Variants in CRACD observed in about 807,000 individuals in gnomAD.
The protein encoded by CRACD is capping protein inhibiting regulator of actin dynamics.
CRACD carries 56 observed loss-of-function variants against 106.8 expected under a neutral mutation model. The ratio of observed to expected loss-of-function variants is 0.52; its 90% CI spans 0.42 to 0.66. The LOEUF (loss-of-function observed/expected upper bound fraction) is 0.66, where lower values mean the gene tolerates loss of function less well. CRACD is among the 30% of genes least tolerant of loss of function. The pLI is 0.00. For missense variants in CRACD, 1,730 were observed against 1,623.2 expected, an observed-to-expected ratio of 1.07 and a Z score of -1.13; for synonymous variants, 754 against 670.8, an observed-to-expected ratio of 1.12 and a Z score of -1.92.
chr4:56,192,151 G>A (rs1737399855), intron 2 of CRACD, among the ~76,000 whole-genome samples: 1 of 152,132 alleles, frequency 6.6e-6, no homozygotes, highest in African/African-American at 2.4e-5. Context: ...CAGCACTTTG[G>A]GAGGCCGAGG....
chr4:56,141,020 C>G (rs1422192452), intron 1 of CRACD, among the ~76,000 whole-genome samples: 1 of 152,114 alleles, frequency 6.6e-6, no homozygotes, highest in Non-Finnish European at 1.5e-5. Context: ...TATGGAGGCC[C>G]AGAATAACTT....
chr4:56,233,092 A>G (rs370236199), intron 2 of CRACD, among the ~76,000 whole-genome samples: 1 of 151,150 alleles, frequency 6.6e-6, no homozygotes, highest in South Asian at 2.1e-4. Flanking sequence ...CTACTTTGTG[A>G]AATGTTCATT....
At chr4:56,196,761 T>C (rs994719418) in intron 2 of CRACD, among the ~76,000 whole-genome samples, 1 of 152,188 alleles carries the variant, frequency 6.6e-6, no homozygotes, top group Non-Finnish European at 1.5e-5. Context: ...GAGAAGCAAT[T>C]ATGAAAATCA....
intron 1 of CRACD, among the ~76,000 whole-genome samples, chr4:56,138,931 T>C (rs1735098729): frequency 6.6e-6 from 1 of 152,230 alleles, no homozygotes; most frequent in South Asian, 2.1e-4. Context: ...AAGCTCTGAT[T>C]ATTAGAGCCT....
chr4:56,054,492 C>G (rs1390367047), intron 1 of CRACD, among the ~76,000 whole-genome samples: 1 of 152,124 alleles, frequency 6.6e-6, no homozygotes, highest in African/African-American at 2.4e-5. Context: ...CCTTTTTATC[C>G]TGATGTGAAA....
chr4:56,087,380 A>G (rs1301547606), intron 1 of CRACD, among the ~76,000 whole-genome samples: 1 of 152,152 alleles, frequency 6.6e-6, no homozygotes, highest in Non-Finnish European at 1.5e-5. Flanking sequence ...TTCCTAACTC[A>G]ATGACTTTGT....
intron 4 of CRACD, among the ~76,000 whole-genome samples, chr4:56,303,259 C>T (rs1369657456): frequency 1.3e-5 from 2 of 151,808 alleles, no homozygotes; most frequent in African/African-American, 2.4e-5. Flanking sequence ...GCAGGAGAAT[C>T]GCTTGAACCC....
rs58859568 is a variant in CRACD at position 56,084,989 on chromosome 4, T to C, written c.-336+35690T>C. ...AAACCATTTTGGGCATAGTCTTAAC[T>C]GTATGTGGTGTGATTGAGATGTCTG... On this transcript the variant is annotated intron_variant, in intron 1 of 10. Coordinates refer to ENST00000682029, the MANE Select transcript of CRACD (RefSeq NM_001393381.1). Among the ~76,000 whole-genome samples, 22 of 152,326 alleles carry C rather than the reference T, an allele frequency of 1.4e-4. No homozygotes were observed. The East Asian group carries it at 3.7e-3, about 25-fold the overall frequency.
chr4:56,061,642 A>G (rs951734259), intron 1 of CRACD, among the ~76,000 whole-genome samples: 1 of 152,154 alleles, frequency 6.6e-6, no homozygotes, highest in African/African-American at 2.4e-5. Context: ...AGAGAGAGAC[A>G]ATAAACAGTG....
At chr4:56,164,171 G>C (rs1358166819) in intron 1 of CRACD, among the ~76,000 whole-genome samples, 1 of 146,438 alleles carries the variant, frequency 6.8e-6, no homozygotes, top group Admixed American at 6.9e-5. Context: ...GTCTTGCTCT[G>C]TCGCCCAGGC....
intron 1 of CRACD, among the ~76,000 whole-genome samples, chr4:56,178,659 A>G (rs79739140): frequency 0.015 from 2,285 of 152,224 alleles, 74 homozygotes; most frequent in African/African-American, 0.052. Flanking sequence ...GAGTGACTTC[A>G]TCTTGTATTG....
At chr4:56,296,356 TTGA>T (rs1488946327) in intron 3 of CRACD, among the ~76,000 whole-genome samples, 10 of 151,938 alleles carry the variant, frequency 6.6e-5, no homozygotes, top group Non-Finnish European at 8.8e-5. Flanking sequence ...AAAGTAAGGG[TTGA>T]TGTTTATAAT....
intron 2 of CRACD, among the ~76,000 whole-genome samples, chr4:56,253,679 C>T (rs1024267457): frequency 3.9e-5 from 6 of 152,354 alleles, no homozygotes; most frequent in African/African-American, 1.4e-4. Context: ...CCCAAAGGGG[C>T]TGCATTTAGG....
intron 2 of CRACD, among the ~76,000 whole-genome samples, chr4:56,255,512 A>G (rs1433702014): frequency 2.6e-5 from 4 of 152,202 alleles, no homozygotes; most frequent in Non-Finnish European, 5.9e-5. Flanking sequence ...CTTGTTTTTA[A>G]AAGAAATCAG....
chr4:56,057,960 A>G, intron 1 of CRACD, among the ~76,000 whole-genome samples: 1 of 120,452 alleles, frequency 8.3e-6, no homozygotes, highest in South Asian at 2.5e-4. Flanking sequence ...CTGGGACTAC[A>G]GGCGCCCGCT....
intron 2 of CRACD, among the ~76,000 whole-genome samples, chr4:56,209,484 T>G (rs1035021869): frequency 2.6e-5 from 4 of 152,146 alleles, no homozygotes; most frequent in African/African-American, 9.6e-5. Flanking sequence ...TTACATATAT[T>G]AACTACATGA....
chr4:56,242,870 G>A (rs1201225974), intron 2 of CRACD, among the ~76,000 whole-genome samples: 2 of 152,144 alleles, frequency 1.3e-5, no homozygotes, highest in Non-Finnish European at 2.9e-5. Flanking sequence ...AAACAAGGGA[G>A]TACGTGGAAG....
intron 2 of CRACD, among the ~76,000 whole-genome samples, chr4:56,241,173 A>T (rs1172939382): frequency 6.6e-6 from 1 of 152,214 alleles, no homozygotes; most frequent in Non-Finnish European, 1.5e-5. Flanking sequence ...GTGGTTATTC[A>T]GTACAGGGCT....
intron 3 of CRACD, chr4:56,288,722 A>T (rs933787819): frequency 2.0e-5 from 3 of 151,690 alleles, no homozygotes; most frequent in Admixed American, 1.3e-4. Flanking sequence ...TCTATGTGGA[A>T]TGGGGACTTA....
Sources: allele counts gnomAD v4.1 joint callset (sites outside exome capture counted in the v4.1 genomes callset), GRCh38; gene constraint gnomAD v4.1.1; transcripts MANE v1.5; gene names NCBI Gene and HGNC (gene_info 2026-07-23, HGNC 2026-07-21).